NDUFAF2: variants seen among roughly 807,000 people sequenced by gnomAD.
NDUFAF2 encodes the protein NADH:ubiquinone oxidoreductase complex assembly factor 2.
A neutral mutation model predicts 22.8 loss-of-function variants in NDUFAF2; 13 were observed. That is an observed-to-expected ratio of 0.57 (90% CI 0.37 to 0.91). NDUFAF2 has a LOEUF of 0.91. NDUFAF2 is among the 40% of genes least tolerant of loss of function. NDUFAF2 has a pLI of 0.01. For synonymous variants in NDUFAF2, 53 were observed against 64.2 expected (o/e 0.83, Z 0.84); for missense variants, 162 against 195.2 (o/e 0.83, Z 1.01).
intron 1 of NDUFAF2, among the ~76,000 whole-genome samples, chr5:60,971,760 G>A (rs111609522): frequency 0.065 from 9,903 of 152,014 alleles, 1,068 homozygotes; most frequent in African/African-American, 0.23. Context: ...ATGGTTTCCA[G>A]CTTCATCCAT....
intron 1 of NDUFAF2, among the ~76,000 whole-genome samples, chr5:60,951,266 G>A (rs904453309): frequency 2.6e-5 from 4 of 152,208 alleles, no homozygotes; most frequent in Non-Finnish European, 5.9e-5. Context: ...CCTTACCTCA[G>A]ATGATCTGCC....
At chr5:60,990,503 T>C (rs1047632865) in intron 1 of NDUFAF2, among the ~76,000 whole-genome samples, 28 of 152,294 alleles carry the variant, frequency 1.8e-4, no homozygotes, top group African/African-American at 6.5e-4. Flanking sequence ...ATAAATGTTA[T>C]GTACATTTTT....
Position 61,096,895 on chromosome 5 carries a change from C to T in NDUFAF2, c.218-2097C>T, listed in dbSNP as rs572354502. ...CAGAGAATCACTTGAATCCGGGAGACAGAAGTTGCAGTGACCTGAGATCAC... is the reference window on the plus strand; with the variant it reads ...CAGAGAATCACTTGAATCCGGGAGATAGAAGTTGCAGTGACCTGAGATCAC... On this transcript the variant is annotated intron_variant, in intron 2 of 3. Coordinates refer to ENST00000296597, the MANE Select transcript of NDUFAF2 (RefSeq NM_174889.5). Among the ~76,000 whole-genome samples, 18 of 152,070 alleles carry T rather than the reference C, an allele frequency of 1.2e-4. No individual in the cohort carries two copies. In the South Asian group the frequency reaches 3.3e-3, roughly 28 times the overall value.
intron 3 of NDUFAF2, among the ~76,000 whole-genome samples, chr5:61,126,893 A>G (rs1346331746): frequency 6.6e-6 from 1 of 152,140 alleles, no homozygotes; most frequent in Non-Finnish European, 1.5e-5. Flanking sequence ...GACCACTAGC[A>G]AGACTAATGA....
intron 1 of NDUFAF2, among the ~76,000 whole-genome samples, chr5:61,052,526 G>T (rs1251698746): frequency 6.6e-6 from 1 of 152,062 alleles, no homozygotes; most frequent in Admixed American, 6.5e-5. Flanking sequence ...TAGCCAGGAT[G>T]GTCTCGATCT....
intron 3 of NDUFAF2, among the ~76,000 whole-genome samples, chr5:61,109,777 T>C (rs1016436232): frequency 6.6e-6 from 1 of 152,114 alleles, no homozygotes; most frequent in Non-Finnish European, 1.5e-5. Flanking sequence ...CCTGCCACCA[T>C]GTAAGACATC....
chr5:61,140,478 C>A (rs1170702708), intron 3 of NDUFAF2, among the ~76,000 whole-genome samples: 1 of 152,066 alleles, frequency 6.6e-6, no homozygotes, highest in Non-Finnish European at 1.5e-5. Context: ...CTTATGGTTG[C>A]CAGATTTAGC....
intron 1 of NDUFAF2, among the ~76,000 whole-genome samples, chr5:61,072,393 T>C (rs1465907185): frequency 6.6e-6 from 1 of 152,202 alleles, no homozygotes; most frequent in Admixed American, 6.5e-5. Context: ...TGTGGTCCAT[T>C]ACATACTTAG....
intron 1 of NDUFAF2, among the ~76,000 whole-genome samples, chr5:61,030,223 A>G (rs1001774945): frequency 2.0e-5 from 3 of 152,120 alleles, no homozygotes; most frequent in East Asian, 1.9e-4. Context: ...GGGATGTGTC[A>G]TACTGTTTTC....
intron 3 of NDUFAF2, among the ~76,000 whole-genome samples, chr5:61,123,594 G>A (rs1415256082): frequency 2.6e-5 from 4 of 152,244 alleles, no homozygotes; most frequent in East Asian, 1.9e-4. Context: ...CTTTGTAACC[G>A]TAGTGCACGT....
intron 1 of NDUFAF2, among the ~76,000 whole-genome samples, chr5:61,060,931 A>G (rs1328515192): frequency 1.3e-5 from 2 of 152,090 alleles, no homozygotes; most frequent in Non-Finnish European, 2.9e-5. Flanking sequence ...GGCTGCCCAA[A>G]TATCTCTCCT....
chr5:61,142,849 A>G (rs532637788), intron 3 of NDUFAF2, among the ~76,000 whole-genome samples: 2 of 152,294 alleles, frequency 1.3e-5, no homozygotes, highest in South Asian at 4.1e-4. Context: ...GGGCCTAAAT[A>G]CAGAATACCT....
chr5:60,968,005 T>A (rs1054286503), intron 1 of NDUFAF2, among the ~76,000 whole-genome samples: 1 of 151,694 alleles, frequency 6.6e-6, no homozygotes, highest in Non-Finnish European at 1.5e-5. Context: ...TTATTACTGA[T>A]CCAGTCTCCT....
chr5:61,100,276 G>C (rs1482347735), intron 3 of NDUFAF2, among the ~76,000 whole-genome samples: 1 of 152,042 alleles, frequency 6.6e-6, no homozygotes, highest in Non-Finnish European at 1.5e-5. Flanking sequence ...TCAGAACTTT[G>C]AAAGCCTTAT....
intron 1 of NDUFAF2, among the ~76,000 whole-genome samples, chr5:61,053,466 G>A (rs1217157836): frequency 1.3e-5 from 2 of 152,178 alleles, no homozygotes; most frequent in Non-Finnish European, 2.9e-5. Context: ...AGATGGCCCA[G>A]CAATCACAGG....
chr5:61,110,741 T>G (rs1752830292), intron 3 of NDUFAF2, among the ~76,000 whole-genome samples: 1 of 152,106 alleles, frequency 6.6e-6, no homozygotes, highest in Admixed American at 6.6e-5. Context: ...GTTTGTTGAT[T>G]ATGTGTATCT....
At position 61,121,830 on chromosome 5, in the gene NDUFAF2, C is replaced by CT. The variant is rs947178059; in HGVS notation, c.258+22808dup. On this transcript the variant is annotated intron_variant, in intron 3 of 3. Coordinates refer to ENST00000296597, the MANE Select transcript of NDUFAF2 (RefSeq NM_174889.5). ...CTTTTCTTTTCTTTCCTTTTCTTTT[C>CT]TTTTTTTTTTCTTTTTTTTTTTGAC... Among the ~76,000 whole-genome samples the CT allele has an allele frequency of 4.1e-3, 591 of 143,382 alleles. 3 individuals carry two copies. Among genetic ancestry groups the CT allele is most frequent in the Middle Eastern group, 0.011 (3 of 274 alleles). The allele number at this position is 143,382 out of a possible 152,430, so 94.1% of individuals were successfully genotyped here.
intron 1 of NDUFAF2, among the ~76,000 whole-genome samples, chr5:61,033,673 G>A (rs965755697): frequency 8.6e-5 from 13 of 151,940 alleles, no homozygotes; most frequent in Admixed American, 1.3e-4. Flanking sequence ...CTATAGTAAC[G>A]TTAAACTCTC....
intron 2 of NDUFAF2, among the ~76,000 whole-genome samples, chr5:61,096,732 G>A (rs1182459340): frequency 6.6e-6 from 1 of 152,082 alleles, no homozygotes; most frequent in African/African-American, 2.4e-5. Context: ...GGGAGGCCAA[G>A]GTGGGAAGAT....
Sources: gnomAD v4.1 joint callset for allele counts (sites outside exome capture counted in the v4.1 genomes callset) on GRCh38, gnomAD v4.1.1 for gene constraint, MANE v1.5 for transcripts, NCBI Gene and HGNC (gene_info 2026-07-23, HGNC 2026-07-21) for gene names.